Variants in MUC15 observed in about 807,000 individuals in gnomAD.
MUC15 encodes mucin-15.
In MUC15, 23 loss-of-function variants were observed where a neutral mutation model predicts 24.0. That is an observed-to-expected ratio of 0.96 (90% CI 0.69 to 1.36). The LOEUF (loss-of-function observed/expected upper bound fraction) is 1.36. Ranked by LOEUF, MUC15 falls within the 40% of genes most tolerant of loss-of-function variation. The pLI is 0.00. For synonymous variants in MUC15, 151 were observed against 156.3 expected (o/e 0.97, Z 0.25); for missense variants, 442 against 428.2 (o/e 1.03, Z -0.29).
intron 4 of MUC15, 76 bp downstream of exon 4, chr11:26,563,040 G>A: frequency 6.5e-7 from 1 of 1,549,086 alleles, no homozygotes; most frequent in Non-Finnish European, 8.7e-7. Flanking sequence ...TACCTTCTAG[G>A]CAATGCAGTG....
chr11:26,561,583 A>T (rs1850295196), intron 4 of MUC15, among the ~76,000 whole-genome samples: 1 of 139,380 alleles, frequency 7.2e-6, no homozygotes, highest in Non-Finnish European at 1.7e-5. Flanking sequence ...AGAATTTGTC[A>T]CTTCTGGTGT....
rs1160082143 is a variant in MUC15, at chr11:26,565,184, A to C, written c.756T>G (p.Asn252Lys). 6.6e-7 allele frequency: 1 copy of C among 1,506,038 alleles called. No homozygotes were observed. The allele number at this position is 1,506,038 out of a possible 1,614,324, so 93.3% of individuals were successfully genotyped here. ...ATTTACCTTTTTGGGGATCTGACGT[A>C]TTTGGAAAGAGTTTTGAATTATTGG... Reference protein sequence around the residue: ...KFTNNSKLFPNTSDPQKENRN... With the variant: ...KFTNNSKLFPKTSDPQKENRN... Residue 252 changes from asparagine to lysine, a missense_variant, in exon 3 of 5, where the codon AAT becomes AAG. Asn to Lys is a moderately conservative substitution (Grantham distance 94, BLOSUM62 0). Coordinates refer to ENST00000529533, the MANE Select transcript of MUC15 (RefSeq NM_001135091.2).
Position 26,565,802 on chromosome 11 carries a change from C to T in MUC15, c.138G>A (p.Ser46=), listed in dbSNP as rs370334569. The part of the protein sequence containing the change: ...LISTLFYSLL[S]GSHGKENQDI... ...CTTGATTTTCTTTTCCATGGCTCCCCGATAGAAGTGAATAAAACAACGTTG... is the reference window on the plus strand; with the variant it reads ...CTTGATTTTCTTTTCCATGGCTCCCTGATAGAAGTGAATAAAACAACGTTG... Residue 46 remains serine (S), a synonymous_variant, in exon 3 of 5, where the codon TCG becomes TCA. Transcript: ENST00000529533. The T allele has an allele frequency of 2.7e-5, 43 of 1,612,902 alleles. No homozygotes were observed. The highest frequency in any genetic ancestry group is 1.2e-4 in the South Asian group (11 of 91,038).
Position 26,560,293 on chromosome 11 carries a change from C to CT in MUC15, c.*771dup, listed in dbSNP as rs377613243. 2,416 of 147,484 alleles carry CT rather than the reference C, an allele frequency of 0.016. 23 individuals are homozygous for CT. The highest frequency in any genetic ancestry group is 0.019 in the Non-Finnish European group (1,265 of 66,410). 9.1% of individuals were successfully genotyped at this position (147,484 alleles called of 1,614,324 possible). A position where few individuals can be genotyped will look rare whatever the true frequency, so the allele number is the denominator to read the frequency against. The stretch of plus-strand genomic sequence containing the variant: ...ATGTACAGGTATATTCTTTGGTTAA[C>CT]TTTTTTTTTTTACCATGATTCTCAT... On this transcript the variant is annotated 3_prime_UTR_variant, in exon 5 of 5. Coordinates refer to ENST00000529533, the MANE Select transcript of MUC15 (RefSeq NM_001135091.2).
chr11:26,570,346 A>C (rs550689151), intron 1 of MUC15, among the ~76,000 whole-genome samples: 15 of 152,062 alleles, frequency 9.9e-5, no homozygotes, highest in Non-Finnish European at 1.8e-4. Context: ...CAGTAAGGGA[A>C]GCAAACCCAC....
chr11:26,561,185 A>C lies in MUC15; in HGVS notation c.966T>G (p.Ser322Arg). 6.2e-7 allele frequency: 1 copy of C among 1,612,316 alleles called. No homozygotes were observed. Among genetic ancestry groups the C allele is most frequent in the Non-Finnish European group, 8.5e-7 (1 of 1,179,052 alleles). Residue 322 changes from serine to arginine, a missense_variant, in exon 5 of 5, where the codon AGT becomes AGG. Transcript: ENST00000529533. ...LDNAPEPYDV[S>R]FGNSSYYNPT... ...GATTGTAGTAGCTAGAATTCCCAAA[A>C]CTCACATCATAAGGTTCCGGTGCAT...
At chr11:26,564,112 C>T (rs957290693) in intron 3 of MUC15, among the ~76,000 whole-genome samples, 28 of 151,520 alleles carry the variant, frequency 1.8e-4, no homozygotes, top group South Asian at 6.2e-4. Context: ...AGTAAGCTAA[C>T]TAAATTTTTT....
Position 26,561,136 on chromosome 11 carries a change from G to C in MUC15, c.1015C>G (p.Pro339Ala). 1.2e-6 allele frequency: 2 copies of C among 1,612,602 alleles called. No individual in the cohort carries two copies. Among genetic ancestry groups the C allele is most frequent in the Non-Finnish European group, 1.7e-6 (2 of 1,179,162 alleles). ...TCACGTGCATTTTCTTCACTTTCTGGCATGGCTGAATCATTCAAAGTTGGA... is the reference window on the plus strand; with the variant it reads ...TCACGTGCATTTTCTTCACTTTCTGCCATGGCTGAATCATTCAAAGTTGGA... ...YNPTLNDSAMPESEENARDGI... is the reference protein window; with the variant it reads ...YNPTLNDSAMAESEENARDGI... The change falls in exon 5 of 5, where the codon CCA becomes GCA. Residue 339 changes from proline to alanine, a missense_variant. Coordinates refer to ENST00000529533, the MANE Select transcript of MUC15 (RefSeq NM_001135091.2).
At chr11:26,571,257 T>C (rs970250824) in intron 1 of MUC15, among the ~76,000 whole-genome samples, 2 of 152,162 alleles carry the variant, frequency 1.3e-5, no homozygotes, top group Non-Finnish European at 2.9e-5. Flanking sequence ...TGTATCATAC[T>C]GTAATGTCTA....
At chr11:26,567,772 T>A (rs1850651322) in intron 1 of MUC15, among the ~76,000 whole-genome samples, 1 of 151,992 alleles carries the variant, frequency 6.6e-6, no homozygotes, top group Non-Finnish European at 1.5e-5. Context: ...CAAACCTAAG[T>A]GTTCATTAGT....
At chr11:26,563,679 G>A (rs1238317053) in intron 3 of MUC15, among the ~76,000 whole-genome samples, 1 of 151,788 alleles carries the variant, frequency 6.6e-6, no homozygotes, top group African/African-American at 2.4e-5. Context: ...AAGGTTAAAA[G>A]CCAATAGGAG....
At chr11:26,562,176 C>T (rs1336790764) in intron 4 of MUC15, among the ~76,000 whole-genome samples, 1 of 151,762 alleles carries the variant, frequency 6.6e-6, no homozygotes, top group Non-Finnish European at 1.5e-5. Flanking sequence ...TGAAAACCAC[C>T]GTTATAAATC....
intron 3 of MUC15, among the ~76,000 whole-genome samples, chr11:26,564,728 C>CATATATAT (rs1850474307): frequency 2.8e-5 from 1 of 36,204 alleles, no homozygotes; most frequent in Non-Finnish European, 5.0e-5. Flanking sequence ...CACACACACA[C>CATATATAT]ACACATATAT....
chr11:26,571,561 A>C (rs1850828478), intron 1 of MUC15, among the ~76,000 whole-genome samples: 1 of 152,112 alleles, frequency 6.6e-6, no homozygotes, highest in Admixed American at 6.6e-5. Context: ...AATCTATTTT[A>C]TTAGAAGATT....
At chr11:26,564,432 T>A (rs201321590) in intron 3 of MUC15, among the ~76,000 whole-genome samples, 1 of 149,920 alleles carries the variant, frequency 6.7e-6, no homozygotes, top group Non-Finnish European at 1.5e-5. Flanking sequence ...AACAAATTAT[T>A]AAAAAAATTT....
Position 26,559,874 on chromosome 11 carries a change from A to ACC in MUC15, c.*1189_*1190dup. ...CACACACACACACACACACACACAC[A>ACC]CCATGAATCAATTCAAAAATAAAGC... On this transcript the variant is annotated 3_prime_UTR_variant, in exon 5 of 5. Coordinates refer to ENST00000529533, the MANE Select transcript of MUC15 (RefSeq NM_001135091.2). 1 of 755,026 alleles carries ACC rather than the reference A, an allele frequency of 1.3e-6. No homozygotes were observed. Among genetic ancestry groups the ACC allele is most frequent in the Non-Finnish European group, 2.2e-6 (1 of 458,976 alleles). 46.8% of individuals were successfully genotyped at this position (755,026 alleles called of 1,614,324 possible).
chr11:26,564,279 T>C (rs61877026), intron 3 of MUC15, among the ~76,000 whole-genome samples: 4,974 of 151,756 alleles, frequency 0.033, 126 homozygotes, highest in Non-Finnish European at 0.053. Context: ...AGTGGTATTA[T>C]AAAAAGCCTA....
intron 2 of MUC15, among the ~76,000 whole-genome samples, 189 bp from the exon 3 acceptor site, chr11:26,566,085 A>T (rs1850571200): frequency 6.6e-6 from 1 of 151,896 alleles, no homozygotes; most frequent in Non-Finnish European, 1.5e-5. Flanking sequence ...CTTTCCACGT[A>T]ATCTTTCTTC....
Position 26,565,212 on chromosome 11 carries a change from A to T in MUC15, c.728T>A (p.Phe243Tyr), listed in dbSNP as rs1281641537. 1 of 1,510,982 alleles carries T rather than the reference A, an allele frequency of 6.6e-7. No homozygotes were observed. Among genetic ancestry groups the T allele is most frequent in the Non-Finnish European group, 8.9e-7 (1 of 1,129,354 alleles). 93.6% of individuals were successfully genotyped at this position (1,510,982 alleles called of 1,614,324 possible). ...EKTTLQPTLKFTNNSKLFPNT... is the reference protein window; with the variant it reads ...EKTTLQPTLKYTNNSKLFPNT... ...TGGAAAGAGTTTTGAATTATTGGTG[A>T]ATTTTAAGGTAGGCTGTAGAGTTGT... Residue 243 changes from phenylalanine to tyrosine, a missense_variant, in exon 3 of 5, where the codon TTC becomes TAC. Phe to Tyr is a conservative substitution (Grantham distance 22). Coordinates refer to ENST00000529533, the MANE Select transcript of MUC15 (RefSeq NM_001135091.2).
Sources: gnomAD v4.1 joint callset for allele counts (sites outside exome capture counted in the v4.1 genomes callset) on GRCh38, gnomAD v4.1.1 for gene constraint, MANE v1.5 for transcripts, NCBI Gene and HGNC (gene_info 2026-07-23, HGNC 2026-07-21) for gene names.